Variants in GPR176 observed in about 807,000 individuals in gnomAD.
The protein encoded by GPR176 is G protein-coupled receptor 176.
GPR176 carries 26 observed loss-of-function variants against 35.4 expected under a neutral mutation model. That is an observed-to-expected ratio of 0.74 (90% CI 0.54 to 1.02). The LOEUF is 1.02. Among genes scored for constraint, GPR176 ranks in the 50% least tolerant of loss-of-function variants. The pLI is 0.00. For missense variants in GPR176, 597 were observed against 665.3 expected, an observed-to-expected ratio of 0.90 and a Z score of 1.13; for synonymous variants, 278 against 271.3, an observed-to-expected ratio of 1.02 and a Z score of -0.24.
chr15:39,812,395 T>C (rs1294941493), intron 1 of GPR176, among the ~76,000 whole-genome samples: 1 of 152,324 alleles, frequency 6.6e-6, no homozygotes, highest in East Asian at 1.9e-4. Context: ...TCTTCTGGCC[T>C]CCATCTTTCT....
intron 1 of GPR176, among the ~76,000 whole-genome samples, chr15:39,827,902 C>T (rs57364127): frequency 3.7e-4 from 56 of 152,310 alleles, no homozygotes; most frequent in African/African-American, 1.3e-3. Context: ...TGAAAACAAT[C>T]TGAATGTCCA....
At chr15:39,908,375 G>C (rs1398653749) in intron 1 of GPR176, among the ~76,000 whole-genome samples, 1 of 152,154 alleles carries the variant, frequency 6.6e-6, no homozygotes, top group Non-Finnish European at 1.5e-5. Flanking sequence ...GCAGGGCTGT[G>C]AGAATGTGCT....
chr15:39,855,739 A>G (rs1868912195), intron 1 of GPR176, among the ~76,000 whole-genome samples: 1 of 152,232 alleles, frequency 6.6e-6, no homozygotes, highest in South Asian at 2.1e-4. Context: ...ATATCCTCTA[A>G]TAAAATACCC....
At chr15:39,828,985 T>G (rs1900877634) in intron 1 of GPR176, 4 of 686,408 alleles carry the variant, frequency 5.8e-6, no homozygotes, top group South Asian at 4.6e-5. Context: ...TGTCTAAGTA[T>G]GCGTATCATG....
intron 2 of GPR176, among the ~76,000 whole-genome samples, chr15:39,805,161 G>A (rs929366585): frequency 9.9e-5 from 15 of 152,106 alleles, no homozygotes; most frequent in Admixed American, 9.8e-4. Context: ...ACTACCAGGG[G>A]CATTCAGAAG....
intron 1 of GPR176, among the ~76,000 whole-genome samples, chr15:39,844,101 A>G (rs144034845): frequency 6.6e-6 from 1 of 152,156 alleles, no homozygotes; most frequent in African/African-American, 2.4e-5. Context: ...CAAAGTCCCA[A>G]ATAGTTTTCT....
intron 1 of GPR176, 82 bp downstream of exon 1, chr15:39,919,773 C>A: frequency 8.7e-7 from 1 of 1,145,330 alleles, no homozygotes; most frequent in South Asian, 2.3e-5. Flanking sequence ...AAACCCACGG[C>A]GGCTGGGCGG....
chr15:39,834,287 T>TA (rs1209591946), intron 1 of GPR176, among the ~76,000 whole-genome samples: 1 of 152,212 alleles, frequency 6.6e-6, no homozygotes, highest in Non-Finnish European at 1.5e-5. Context: ...TAATGTGAAT[T>TA]AAAAATATTA....
At chr15:39,862,490 C>T (rs946773475) in intron 1 of GPR176, 1 of 152,192 alleles carries the variant, frequency 6.6e-6, no homozygotes, top group Non-Finnish European at 1.5e-5. Context: ...CAGTTAGTTT[C>T]AGGTCACACA....
intron 1 of GPR176, among the ~76,000 whole-genome samples, chr15:39,834,855 T>C (rs941985686): frequency 2.0e-5 from 3 of 152,086 alleles, no homozygotes; most frequent in African/African-American, 7.2e-5. Context: ...TAAGATCTAG[T>C]AACTGATAGA....
At position 39,889,603 on chromosome 15, in the gene GPR176, T is replaced by C. The variant is rs202216457; in HGVS notation, c.172+30252A>G. On this transcript the variant is annotated intron_variant, in intron 1 of 2. Transcript: ENST00000561100. The stretch of plus-strand genomic sequence containing the variant: ...TAAAATAAAATAAAATAAAATAAAA[T>C]AAAATAAAACAAAACAAAACATTAA... Among the ~76,000 whole-genome samples, 26 of 114,918 alleles carry C rather than the reference T, an allele frequency of 2.3e-4. No individual in the cohort carries two copies. The East Asian group carries it at 3.4e-3, about 15-fold the overall frequency. 75.4% of individuals were successfully genotyped at this position (114,918 alleles called of 152,430 possible).
chr15:39,840,906 G>A (rs2029923027), intron 1 of GPR176, among the ~76,000 whole-genome samples: 2 of 152,032 alleles, frequency 1.3e-5, no homozygotes, highest in South Asian at 4.1e-4. Flanking sequence ...TGAATTTGAG[G>A]CAGGTATTAC....
intron 1 of GPR176, among the ~76,000 whole-genome samples, chr15:39,851,076 C>T (rs1332664857): frequency 2.0e-5 from 3 of 152,108 alleles, no homozygotes; most frequent in Non-Finnish European, 2.9e-5. Context: ...ACGTTTCTTA[C>T]TTGAACAACT....
At chr15:39,918,219 C>G (rs949742812) in intron 1 of GPR176, among the ~76,000 whole-genome samples, 3 of 152,068 alleles carry the variant, frequency 2.0e-5, no homozygotes, top group African/African-American at 7.2e-5. Context: ...GAATCCAATG[C>G]AAGCTACAAA....
chr15:39,818,065 C>T lies in GPR176; in HGVS notation c.173-10807G>A, dbSNP rs987674578. ...GCTACTGGTATCAGAAGAATTATGG[C>T]CAAAGAATGTAGGGGAAAACCAGCT... On this transcript the variant is annotated intron_variant, in intron 1 of 2. Coordinates refer to ENST00000561100, the MANE Select transcript of GPR176 (RefSeq NM_007223.3). Among the ~76,000 whole-genome samples, 8 of 152,190 alleles carry T rather than the reference C, an allele frequency of 5.3e-5. No individual in the cohort carries two copies. The East Asian group carries it at 1.5e-3, about 29-fold the overall frequency.
intron 1 of GPR176, among the ~76,000 whole-genome samples, chr15:39,821,239 T>C (rs773377068): frequency 1.3e-4 from 20 of 152,156 alleles, no homozygotes; most frequent in Non-Finnish European, 2.8e-4. Flanking sequence ...GTAAGATCAA[T>C]GAGGAGATGT....
At chr15:39,829,019 G>T in intron 1 of GPR176, 1 of 711,844 alleles carries the variant, frequency 1.4e-6, no homozygotes, top group Non-Finnish European at 2.5e-6. Context: ...AACTCAATGA[G>T]TTAGGTACTA....
chr15:39,835,370 A>G (rs1318591950), intron 1 of GPR176, among the ~76,000 whole-genome samples: 1 of 152,136 alleles, frequency 6.6e-6, no homozygotes, highest in African/African-American at 2.4e-5. Context: ...CTCACAAAAA[A>G]TAAAAATTAA....
At chr15:39,826,141 G>A (rs1011382749) in intron 1 of GPR176, among the ~76,000 whole-genome samples, 20 of 152,114 alleles carry the variant, frequency 1.3e-4, no homozygotes, top group African/African-American at 4.8e-4. Flanking sequence ...TGCCAGGAGA[G>A]GGAAACAAAA....
Sources: gnomAD v4.1 joint callset for allele counts (sites outside exome capture counted in the v4.1 genomes callset) on GRCh38, gnomAD v4.1.1 for gene constraint, MANE v1.5 for transcripts, NCBI Gene and HGNC (gene_info 2026-07-23, HGNC 2026-07-21) for gene names.